CAST: variants seen among roughly 807,000 people sequenced by gnomAD.
CAST encodes the protein calpastatin.
A neutral mutation model predicts 119.6 loss-of-function variants in CAST; 76 were observed. That is an observed-to-expected ratio of 0.64 (90% CI 0.53 to 0.77). The LOEUF (loss-of-function observed/expected upper bound fraction) is 0.77. CAST is among the 30% of genes least tolerant of loss of function. The pLI is 0.00. For missense variants in CAST, 953 were observed against 946.5 expected (o/e 1.01, Z -0.09); for synonymous variants, 319 against 331.6 (o/e 0.96, Z 0.41).
chr5:96,259,946 C>T, the CAST span, among the ~76,000 whole-genome samples: 3 of 150,840 alleles, frequency 2.0e-5, no homozygotes, highest in Non-Finnish European at 4.4e-5. Context: ...GAAAGCCCTG[C>T]GTGAATACTT....
At chr5:96,463,525 C>T in the CAST span, among the ~76,000 whole-genome samples, 2 of 152,006 alleles carry the variant, frequency 1.3e-5, no homozygotes, top group African/African-American at 4.8e-5. Flanking sequence ...TGATCTTATC[C>T]AGGACATAAA....
At chr5:96,710,312 G>A (rs560983783) in intron 3 of CAST, among the ~76,000 whole-genome samples, 3 of 152,142 alleles carry the variant, frequency 2.0e-5, no homozygotes, top group Admixed American at 1.3e-4. Flanking sequence ...AGCAATAGAC[G>A]GTAGAAAATG....
chr5:96,168,291 C>T, the CAST span, among the ~76,000 whole-genome samples: 3 of 152,270 alleles, frequency 2.0e-5, no homozygotes, highest in South Asian at 6.2e-4. Context: ...TTTGATGGCC[C>T]TTGCAGTGAA....
At chr5:96,543,514 T>C (rs1228388271) in intron 1 of CAST, among the ~76,000 whole-genome samples, 1 of 152,194 alleles carries the variant, frequency 6.6e-6, no homozygotes, top group East Asian at 1.9e-4. Context: ...AACCTGCACA[T>C]TCTGCACATG....
At chr5:96,649,221 T>C (rs1238289877) in intron 1 of CAST, among the ~76,000 whole-genome samples, 2 of 152,222 alleles carry the variant, frequency 1.3e-5, no homozygotes, top group Non-Finnish European at 2.9e-5. Flanking sequence ...AGTTTTTTCA[T>C]GTCAGTGAGC....
intron 1 of CAST, among the ~76,000 whole-genome samples, chr5:96,566,334 C>A (rs1746468924): frequency 6.6e-6 from 1 of 152,144 alleles, no homozygotes; most frequent in Non-Finnish European, 1.5e-5. Flanking sequence ...GTAGTCCCTT[C>A]TTTTCCAAAT....
At chr5:96,290,313 G>T in the CAST span, among the ~76,000 whole-genome samples, 1 of 152,098 alleles carries the variant, frequency 6.6e-6, no homozygotes, top group African/African-American at 2.4e-5. Context: ...GGGAATTCTT[G>T]GACAAAGCTC....
chr5:95,995,360 T>C, the CAST span, among the ~76,000 whole-genome samples: 2 of 152,136 alleles, frequency 1.3e-5, no homozygotes, highest in Non-Finnish European at 2.9e-5. Context: ...TAAGAATCAA[T>C]AGTTACCTGC....
At chr5:96,182,263 G>A in the CAST span, among the ~76,000 whole-genome samples, 2 of 152,142 alleles carry the variant, frequency 1.3e-5, no homozygotes, top group Non-Finnish European at 2.9e-5. Context: ...ATGTCTGTGG[G>A]GCATTGTTGG....
At chr5:96,048,847 G>A in the CAST span, among the ~76,000 whole-genome samples, 4 of 152,168 alleles carry the variant, frequency 2.6e-5, no homozygotes, top group East Asian at 7.7e-4. Context: ...AGTTCCCAAA[G>A]AGTAAATTAG....
At chr5:96,424,434 C>T in the CAST span, among the ~76,000 whole-genome samples, 12 of 152,114 alleles carry the variant, frequency 7.9e-5, no homozygotes, top group South Asian at 2.1e-4. Flanking sequence ...ACTCTGGAGT[C>T]GTGAATTATA....
chr5:96,034,519 GTA>G, the CAST span, among the ~76,000 whole-genome samples: 181 of 98,766 alleles, frequency 1.8e-3, no homozygotes, highest in African/African-American at 5.8e-3. Context: ...ATGTGTGTGT[GTA>G]TGCATCCATT....
chr5:96,702,775 C>T, intron 3 of CAST: 3 of 985,496 alleles, frequency 3.0e-6, no homozygotes, highest in Non-Finnish European at 3.6e-6. Context: ...CCTGCGTCGC[C>T]TTCCCGGGAC....
intron 1 of CAST, among the ~76,000 whole-genome samples, chr5:96,603,953 C>T (rs1055963905): frequency 6.6e-6 from 1 of 151,638 alleles, no homozygotes. Flanking sequence ...TTTGTAGAAA[C>T]GTGCCCTCCC....
the CAST span, among the ~76,000 whole-genome samples, chr5:96,260,430 A>T: frequency 6.6e-6 from 1 of 152,240 alleles, no homozygotes; most frequent in Non-Finnish European, 1.5e-5. Context: ...CTTTAGCTTC[A>T]GAGTGAACCA....
chr5:96,359,056 C>G, the CAST span, among the ~76,000 whole-genome samples: 1 of 152,084 alleles, frequency 6.6e-6, no homozygotes, highest in Non-Finnish European at 1.5e-5. Context: ...ATGGTTAGCT[C>G]TTCTTGTTGC....
At chr5:96,572,530 CTT>C (rs34077561) in intron 1 of CAST, among the ~76,000 whole-genome samples, 62,511 of 151,918 alleles carry the variant, frequency 0.41, 13,444 homozygotes, top group Middle Eastern at 0.49. Context: ...TAACACTTCA[CTT>C]TGTGCAAAAG....
the CAST span, among the ~76,000 whole-genome samples, chr5:96,161,258 C>T: frequency 2.6e-4 from 39 of 152,032 alleles, no homozygotes; most frequent in Admixed American, 2.6e-3. Context: ...ATAATTAGGC[C>T]AGTTTTCTAT....
chr5:96,326,695 A>ATTTTTTTTTTTTTTT, the CAST span, among the ~76,000 whole-genome samples: 28 of 95,734 alleles, frequency 2.9e-4, no homozygotes, highest in African/African-American at 3.2e-4. Context: ...ATGGCTTTTC[A>ATTTTTTTTTTTTTTT]TTTTTTTTTT....
Sources: allele counts gnomAD v4.1 joint callset (sites outside exome capture counted in the v4.1 genomes callset), GRCh38; gene constraint gnomAD v4.1.1; transcripts MANE v1.5; gene names NCBI Gene and HGNC (gene_info 2026-07-23, HGNC 2026-07-21).